Variants in ST7 observed in about 807,000 individuals in gnomAD.
ST7 encodes the protein suppressor of tumorigenicity 7 protein.
ST7 carries 28 observed loss-of-function variants against 78.7 expected under a neutral mutation model. That is an observed-to-expected ratio of 0.36 (90% CI 0.26 to 0.49). ST7 has a LOEUF of 0.49. Ranked by LOEUF, ST7 falls within the 20% of genes least tolerant of loss-of-function variation. ST7 has a pLI of 0.99. For missense variants in ST7, 418 were observed against 696.0 expected (o/e 0.60, Z 4.49); for synonymous variants, 247 against 249.6 (o/e 0.99, Z 0.10).
chr7:117,166,759 G>T (rs1807586835), intron 9 of ST7, among the ~76,000 whole-genome samples: 1 of 151,940 alleles, frequency 6.6e-6, no homozygotes, highest in African/African-American at 2.4e-5. Context: ...CATGGTGGTG[G>T]GCGCCTGTAG....
chr7:116,973,741 C>T (rs1793557323), intron 1 of ST7, among the ~76,000 whole-genome samples: 2 of 152,114 alleles, frequency 1.3e-5, no homozygotes, highest in Admixed American at 1.3e-4. Context: ...AGACTACTGC[C>T]CATACCCTTC....
intron 1 of ST7, chr7:116,972,291 C>A: frequency 1.7e-6 from 1 of 575,866 alleles, no homozygotes; most frequent in Non-Finnish European, 3.2e-6. Context: ...CTACCGATCT[C>A]TCAGCAAACC....
chr7:117,148,216 T>A (rs1351562242), intron 9 of ST7, among the ~76,000 whole-genome samples: 1 of 152,142 alleles, frequency 6.6e-6, no homozygotes, highest in Non-Finnish European at 1.5e-5. Context: ...GTTGGGTGCG[T>A]TTATGTTGGT....
intron 10 of ST7, among the ~76,000 whole-genome samples, chr7:117,171,821 A>G (rs908132189): frequency 2.0e-5 from 3 of 152,062 alleles, no homozygotes; most frequent in Non-Finnish European, 2.9e-5. Flanking sequence ...ATGATTACTT[A>G]TTATATAATC....
intron 1 of ST7, among the ~76,000 whole-genome samples, chr7:117,066,954 G>A (rs984776935): frequency 6.6e-6 from 1 of 151,970 alleles, no homozygotes; most frequent in Non-Finnish European, 1.5e-5. Context: ...TTCTGTCTCT[G>A]TGGATTTGCT....
intron 1 of ST7, among the ~76,000 whole-genome samples, chr7:116,976,011 A>T (rs1793686186): frequency 6.6e-6 from 1 of 152,066 alleles, no homozygotes; most frequent in African/African-American, 2.4e-5. Flanking sequence ...CTGTAATCCC[A>T]GCACTTTGGG....
intron 1 of ST7, among the ~76,000 whole-genome samples, chr7:117,000,351 G>A (rs1354752604): frequency 6.6e-6 from 1 of 152,212 alleles, no homozygotes; most frequent in Non-Finnish European, 1.5e-5. Context: ...CATGTGGCTA[G>A]TGTGACTGAG....
At chr7:117,069,653 T>G (rs1287170262) in intron 1 of ST7, among the ~76,000 whole-genome samples, 1 of 152,234 alleles carries the variant, frequency 6.6e-6, no homozygotes, top group Non-Finnish European at 1.5e-5. Context: ...AGACTTTGGG[T>G]GCTCATCAAG....
intron 1 of ST7, among the ~76,000 whole-genome samples, chr7:116,984,357 G>A (rs1794098694): frequency 6.6e-6 from 1 of 152,154 alleles, no homozygotes. Flanking sequence ...GACTAATACA[G>A]GCTCTGTTTT....
At chr7:116,959,813 A>G (rs1304683933) in intron 1 of ST7, 1 of 152,212 alleles carries the variant, frequency 6.6e-6, no homozygotes, top group Non-Finnish European at 1.5e-5. Flanking sequence ...AATCCGAATG[A>G]TGCATTTTTC....
intron 7 of ST7, 129 bp from the exon 8 acceptor site, chr7:117,135,952 G>C: frequency 1.1e-6 from 1 of 878,228 alleles, no homozygotes; most frequent in Non-Finnish European, 1.8e-6. Flanking sequence ...ACTACAAACA[G>C]GAGTGCATGA....
Position 117,097,909 on chromosome 7 carries a change from T to TATATATATATATATA in ST7, c.152-1853_152-1852insATATATATATATATA, listed in dbSNP as rs1554436004. Among the ~76,000 whole-genome samples the TATATATATATATATA allele has an allele frequency of 5.3e-3, 81 of 15,254 alleles. 2 individuals are homozygous for TATATATATATATATA. The highest frequency in any genetic ancestry group is 6.3e-3 in the African/African-American group (30 of 4,790). The allele number at this position is 15,254 out of a possible 152,430, so 10.0% of individuals were successfully genotyped here. ...ATATATATATATATATATATATATA[T>TATATATATATATATA]TTTTTTTTTTTTTTTTTTTGATGGC... On this transcript the variant is annotated intron_variant, in intron 1 of 15. Transcript: ENST00000323984.
chr7:116,979,333 G>A (rs1201734350), intron 1 of ST7, among the ~76,000 whole-genome samples: 2 of 152,152 alleles, frequency 1.3e-5, no homozygotes, highest in Non-Finnish European at 2.9e-5. Flanking sequence ...CCTAACAAGA[G>A]GCATTTCTCA....
intron 2 of ST7, among the ~76,000 whole-genome samples, chr7:117,110,105 G>A (rs1449242608): frequency 6.6e-6 from 1 of 152,104 alleles, no homozygotes; most frequent in Non-Finnish European, 1.5e-5. Flanking sequence ...CAATCTTTTA[G>A]CATATATGTT....
At chr7:117,000,043 C>T (rs1794851950) in intron 1 of ST7, among the ~76,000 whole-genome samples, 1 of 152,062 alleles carries the variant, frequency 6.6e-6, no homozygotes, top group Admixed American at 6.5e-5. Context: ...GATCTCCTGA[C>T]CTCGTGATCC....
At chr7:117,195,650 C>A (rs980401333) in intron 12 of ST7, among the ~76,000 whole-genome samples, 1 of 152,150 alleles carries the variant, frequency 6.6e-6, no homozygotes, top group South Asian at 2.1e-4. Context: ...GAGAAAAAGC[C>A]CCTTATAAAA....
intron 12 of ST7, among the ~76,000 whole-genome samples, chr7:117,191,978 T>C (rs1809824645): frequency 6.6e-6 from 1 of 152,192 alleles, no homozygotes; most frequent in Non-Finnish European, 1.5e-5. Flanking sequence ...GGGATTTTAC[T>C]CAAGTCTAGG....
intron 1 of ST7, among the ~76,000 whole-genome samples, chr7:116,955,607 C>G (rs1792426861): frequency 6.6e-6 from 1 of 152,146 alleles, no homozygotes; most frequent in Non-Finnish European, 1.5e-5. Context: ...TAATGTTTCT[C>G]CTTATTACAC....
intron 2 of ST7, among the ~76,000 whole-genome samples, chr7:117,106,401 G>A (rs1801967187): frequency 1.3e-5 from 2 of 152,058 alleles, no homozygotes; most frequent in South Asian, 4.2e-4. Context: ...TTCTTTCAAA[G>A]CTTGTTTATT....
Sources: allele counts gnomAD v4.1 joint callset (sites outside exome capture counted in the v4.1 genomes callset), GRCh38; gene constraint gnomAD v4.1.1; transcripts MANE v1.5; gene names NCBI Gene and HGNC (gene_info 2026-07-23, HGNC 2026-07-21).